The following PPOX variants were observed in gnomAD, a reference collection of about 807,000 sequenced individuals.
The protein encoded by PPOX is variegate porphyria.
A neutral mutation model predicts 54.1 loss-of-function variants in PPOX; 23 were observed. The ratio of observed to expected loss-of-function variants is 0.43; its 90% CI spans 0.31 to 0.60. PPOX has a LOEUF of 0.60. Ranked by LOEUF, PPOX falls within the 20% of genes least tolerant of loss-of-function variation. The pLI, the probability that PPOX is intolerant of heterozygous loss-of-function variation, is 0.13. For synonymous variants in PPOX, 224 were observed against 236.1 expected, an observed-to-expected ratio of 0.95 and a Z score of 0.47; for missense variants, 512 against 601.1, an observed-to-expected ratio of 0.85 and a Z score of 1.55.
intron 9 of PPOX, 25 bp downstream of exon 9, chr1:161,170,049 G>T: frequency 6.3e-7 from 1 of 1,599,512 alleles, no homozygotes; most frequent in South Asian, 1.1e-5. Flanking sequence ...CGGAGAGGCT[G>T]GGCATGGTGG....
At chr1:161,176,601 A>G (rs900560480) in intron 4 of PPOX, 7 of 544,172 alleles carry the variant, frequency 1.3e-5, no homozygotes, top group Non-Finnish European at 2.3e-5. Flanking sequence ...GTGGTAAAGG[A>G]TAACTAGCTA....
chr1:161,173,522 T>C (rs11579514), downstream of PPOX: 455,486 of 1,593,948 alleles, frequency 0.29, 66,951 homozygotes, highest in East Asian at 0.41. Context: ...AAGGTTAGTG[T>C]TGAAGGGCTA....
At position 161,166,447 on chromosome 1, in the gene PPOX, GA is replaced by G; in HGVS notation, c.-230del. 8.4e-7 allele frequency: 1 copy of G among 1,196,524 alleles called. No homozygotes were observed. The allele number at this position is 1,196,524 out of a possible 1,614,324, so 74.1% of individuals were successfully genotyped here. Reference sequence around the variant, plus strand: ...GAGTGGACGGAGCGTAGGAGAGACCGAAAAGGCTGGGGGTGGGAGTAGCGGA... The same window carrying G: ...GAGTGGACGGAGCGTAGGAGAGACCGAAAGGCTGGGGGTGGGAGTAGCGGA... On this transcript the variant is annotated 5_prime_UTR_variant, in exon 1 of 13. Coordinates refer to ENST00000367999, the MANE Select transcript of PPOX (RefSeq NM_001122764.3).
downstream of PPOX, chr1:161,177,312 C>G (rs1663997706): frequency 1.8e-6 from 1 of 548,688 alleles, no homozygotes; most frequent in South Asian, 2.2e-5. Context: ...CCACCTAGGA[C>G]CCCGTCCCTG....
At chr1:161,177,098 G>A, downstream of PPOX, 2 of 1,529,096 alleles carry the variant, frequency 1.3e-6, no homozygotes, top group Non-Finnish European at 1.8e-6. Flanking sequence ...GTGGGGAGGA[G>A]GGTTACTGCT....
intron 8 of PPOX, 59 bp downstream of exon 8, chr1:161,169,779 A>G: frequency 6.2e-7 from 1 of 1,613,372 alleles, no homozygotes; most frequent in Non-Finnish European, 8.5e-7. Flanking sequence ...CAAAAGCTAT[A>G]CCTTCCTGGG....
downstream of PPOX, among the ~76,000 whole-genome samples, chr1:161,173,409 G>T (rs1045605398): frequency 3.3e-5 from 5 of 152,172 alleles, no homozygotes; most frequent in African/African-American, 1.2e-4. Flanking sequence ...AACTAACCAG[G>T]AGACTGAAGG....
At position 161,169,116 on chromosome 1, in the gene PPOX, G is replaced by C; in HGVS notation, c.740G>C (p.Arg247Thr). The change falls in exon 7 of 13, where the codon AGG becomes ACG. Residue 247 changes from arginine (R) to threonine (T), a missense_variant. Arg to Thr is a moderately conservative substitution (Grantham distance 71). Coordinates refer to ENST00000367999, the MANE Select transcript of PPOX (RefSeq NM_001122764.3). Reference sequence around the variant, plus strand: ...GCCCTTGAAACCCACCTGACTAGTAGGGGGGTCAGTGTTCTCAGAGGCCAG... The same window carrying C: ...GCCCTTGAAACCCACCTGACTAGTACGGGGGTCAGTGTTCTCAGAGGCCAG... ...PQALETHLTS[R>T]GVSVLRGQPV... 6.2e-7 allele frequency: 1 copy of C among 1,614,210 alleles called. No individual in the cohort carries two copies. Among genetic ancestry groups the C allele is most frequent in the Non-Finnish European group, 8.5e-7 (1 of 1,180,034 alleles).
At position 161,167,378 on chromosome 1, in the gene PPOX, A is replaced by T; in HGVS notation, c.230A>T (p.Glu77Val). ...LGARTLLLVS[E>V]LGLDSEVLPV... The stretch of plus-strand genomic sequence containing the variant: ...AGGGCATGTGGAGAGCAGGTTTCTG[A>T]GCTTGGCTTGGATTCAGAAGTGCTG... The change falls in exon 4 of 13, where the codon GAG becomes GTG. Residue 77 changes from glutamate to valine, a missense_variant. By Grantham distance (121) the Glu-to-Val change is moderately radical. Coordinates refer to ENST00000367999, the MANE Select transcript of PPOX (RefSeq NM_001122764.3). 16 of 1,613,700 alleles carry T rather than the reference A, an allele frequency of 9.9e-6. No homozygotes were observed. The highest frequency in any genetic ancestry group is 1.4e-5 in the Non-Finnish European group (16 of 1,179,934).
At chr1:161,176,745 G>A in intron 4 of PPOX, 1 of 886,634 alleles carries the variant, frequency 1.1e-6, no homozygotes. Flanking sequence ...ACCCTGGAAT[G>A]ATAAGTGTCA....
chr1:161,166,753 T>C, intron 1 of PPOX, 81 bp downstream of exon 1: 4 of 1,582,194 alleles, frequency 2.5e-6, no homozygotes, highest in Non-Finnish European at 3.4e-6. Context: ...AAGCAGTGAG[T>C]GGCCGGGATA....
At chr1:161,166,229 C>T, upstream of PPOX, 1 of 967,160 alleles carries the variant, frequency 1.0e-6, no homozygotes, top group Non-Finnish European at 1.2e-6. Context: ...CGCCTCGGTC[C>T]TGAGGAGGGC....
chr1:161,177,117 A>G, downstream of PPOX: 1 of 1,504,666 alleles, frequency 6.6e-7, no homozygotes, highest in Non-Finnish European at 8.9e-7. Flanking sequence ...CTGAAGAGAA[A>G]GGGAGAGGGA....
downstream of PPOX, chr1:161,173,684 G>C: frequency 6.2e-7 from 1 of 1,614,188 alleles, no homozygotes; most frequent in Non-Finnish European, 8.5e-7. Flanking sequence ...TACTGGTCAG[G>C]AGTAAGTGCT....
At position 161,167,439 on chromosome 1, in the gene PPOX, G is replaced by T; in HGVS notation, c.291G>T (p.Arg97Ser). 2 of 1,613,278 alleles carry T rather than the reference G, an allele frequency of 1.2e-6. No homozygotes were observed. The highest frequency in any genetic ancestry group is 2.2e-5 in the South Asian group (2 of 91,038). The change falls in exon 4 of 13, where the codon AGG becomes AGT. Residue 97 changes from arginine (R) to serine (S), a missense_variant. Physicochemically the swap from Arg to Ser is moderately radical, Grantham distance 110. Transcript: ENST00000367999. ...VRGDHPAAQN[R>S]FLYVGGALHA... ...GAGACCACCCAGCTGCCCAGAACAG[G>T]TTCCTCTACGTGGGCGGTGCCCTGC...
chr1:161,173,085 C>A (rs1662076905), downstream of PPOX, among the ~76,000 whole-genome samples: 1 of 152,130 alleles, frequency 6.6e-6, no homozygotes, highest in Non-Finnish European at 1.5e-5. Context: ...ACAGAGGACA[C>A]AGGGGGAATG....
intron 11 of PPOX, 25 bp downstream of exon 11, chr1:161,170,794 G>A (rs1267369437): frequency 8.1e-6 from 13 of 1,613,990 alleles, no homozygotes; most frequent in Non-Finnish European, 1.1e-5. Flanking sequence ...ACTTCCCTCA[G>A]CTCTCCACTG....
intron 4 of PPOX, 102 bp from the exon 5 acceptor site, chr1:161,167,893 C>G: frequency 6.3e-7 from 1 of 1,576,414 alleles, no homozygotes; most frequent in Non-Finnish European, 8.7e-7. Context: ...CCCTGTCAGC[C>G]TTCCCAGCAA....
Position 161,169,102 on chromosome 1 carries a change from C to T in PPOX, c.726C>T (p.Thr242=). 6.2e-7 allele frequency: 1 copy of T among 1,614,200 alleles called. No individual in the cohort carries two copies. Among genetic ancestry groups the T allele is most frequent in the Non-Finnish European group, 8.5e-7 (1 of 1,180,046 alleles). ...AGATGTTGCCTCAGGCCCTTGAAAC[C>T]CACCTGACTAGTAGGGGGGTCAGTG... ...GLEMLPQALE[T]HLTSRGVSVL... The change falls in exon 7 of 13, where the codon ACC becomes ACT. Residue 242 remains threonine, a synonymous_variant. Coordinates refer to ENST00000367999, the MANE Select transcript of PPOX (RefSeq NM_001122764.3).
Sources: gnomAD v4.1 joint callset for allele counts (sites outside exome capture counted in the v4.1 genomes callset) on GRCh38, gnomAD v4.1.1 for gene constraint, MANE v1.5 for transcripts, NCBI Gene and HGNC (gene_info 2026-07-23, HGNC 2026-07-21) for gene names.